The following C12orf42 variants were observed in gnomAD, a reference collection of about 807,000 sequenced individuals.
C12orf42 encodes the protein chromosome 12 open reading frame 42.
In C12orf42, 25 loss-of-function variants were observed where a neutral mutation model predicts 21.6. The ratio of observed to expected loss-of-function variants is 1.16; its 90% CI spans 0.84 to 1.62. The LOEUF (loss-of-function observed/expected upper bound fraction) is 1.62, where lower values mean the gene tolerates loss of function less well. Ranked by LOEUF, C12orf42 falls within the 40% of genes most tolerant of loss-of-function variation. C12orf42 has a pLI of 0.00. For synonymous variants in C12orf42, 174 were observed against 175.0 expected (o/e 0.99, Z 0.05); for missense variants, 483 against 459.3 (o/e 1.05, Z -0.47).
At chr12:103,484,906 G>C in intron 1 of C12orf42, among the ~76,000 whole-genome samples, 1 of 111,166 alleles carries the variant, frequency 9.0e-6, no homozygotes, top group Admixed American at 1.4e-4. Flanking sequence ...GTCTCTCTCT[G>C]TCGCCCAGGC....
intron 2 of C12orf42, among the ~76,000 whole-genome samples, chr12:103,419,630 T>G (rs892979867): frequency 2.6e-5 from 4 of 152,138 alleles, no homozygotes; most frequent in Admixed American, 6.5e-5. Flanking sequence ...TCTCAAATTC[T>G]CCAACTCTGC....
At chr12:103,374,391 G>A (rs1262678315) in intron 3 of C12orf42, among the ~76,000 whole-genome samples, 1 of 152,064 alleles carries the variant, frequency 6.6e-6, no homozygotes. Flanking sequence ...CAAGATTGAG[G>A]TTTGATTGTG....
intron 2 of C12orf42, chr12:103,456,091 T>C (rs1478509072): frequency 6.6e-6 from 1 of 152,098 alleles, no homozygotes; most frequent in Non-Finnish European, 1.5e-5. Context: ...GGATGGAGTC[T>C]TGTCTGCAAA....
intron 4 of C12orf42, among the ~76,000 whole-genome samples, chr12:103,333,267 AAGTT>A (rs2041402782): frequency 6.6e-6 from 1 of 152,222 alleles, no homozygotes; most frequent in Non-Finnish European, 1.5e-5. Context: ...GACTTTGAGC[AAGTT>A]AGTTACTCTC....
At chr12:103,351,549 T>C (rs1346382863) in intron 4 of C12orf42, among the ~76,000 whole-genome samples, 1 of 152,166 alleles carries the variant, frequency 6.6e-6, no homozygotes, top group Non-Finnish European at 1.5e-5. Context: ...ATTCAACGCA[T>C]ACTATTTTGA....
intron 10 of C12orf42, among the ~76,000 whole-genome samples, chr12:103,253,750 A>T (rs1306634305): frequency 2.6e-5 from 4 of 152,058 alleles, no homozygotes; most frequent in African/African-American, 9.7e-5. Flanking sequence ...TATGCCCCTC[A>T]GTCAAATTCT....
intron 4 of C12orf42, among the ~76,000 whole-genome samples, chr12:103,361,407 A>G (rs573586029): frequency 1.3e-5 from 2 of 152,162 alleles, no homozygotes; most frequent in African/African-American, 4.8e-5. Context: ...GCAATTTCTG[A>G]CTTGCCTCAC....
rs1361490145 is a variant in C12orf42, at chr12:103,495,507, G to T, written c.-22+395C>A. On this transcript the variant is annotated intron_variant, in intron 1 of 5. Transcript: ENST00000548883. ...TGGGGAGGGCGGCGGTGGCATCGCT[G>T]CGCGGGGCGCATTGTGGGCCGCGCT... 2.0e-5 allele frequency among the ~76,000 whole-genome samples: 3 copies of T among 152,054 alleles called. No individual in the cohort carries two copies. In the East Asian group the frequency reaches 5.8e-4, roughly 29 times the overall value.
At chr12:103,435,237 A>G (rs1236146186) in intron 2 of C12orf42, among the ~76,000 whole-genome samples, 1 of 152,160 alleles carries the variant, frequency 6.6e-6, no homozygotes, top group African/African-American at 2.4e-5. Context: ...CATCCACACC[A>G]AAAACCCATC....
At chr12:103,120,366 T>C in the C12orf42 span, among the ~76,000 whole-genome samples, 1 of 152,098 alleles carries the variant, frequency 6.6e-6, no homozygotes, top group African/African-American at 2.4e-5. Flanking sequence ...AAAGAGCAGA[T>C]TTGCAAAATG....
the C12orf42 span, among the ~76,000 whole-genome samples, chr12:103,096,397 C>A: frequency 1.3e-5 from 2 of 151,918 alleles, no homozygotes; most frequent in Middle Eastern, 3.4e-3. Context: ...TTGTTCGGAC[C>A]CAAGTACTTA....
intron 4 of C12orf42, among the ~76,000 whole-genome samples, chr12:103,283,563 C>T (rs545994340): frequency 8.1e-4 from 123 of 152,344 alleles, no homozygotes; most frequent in Middle Eastern, 6.8e-3. Flanking sequence ...GACACACTAG[C>T]CTCCAGCATG....
the C12orf42 span, among the ~76,000 whole-genome samples, chr12:103,551,659 A>C: frequency 6.6e-6 from 1 of 152,138 alleles, no homozygotes; most frequent in Non-Finnish European, 1.5e-5. Flanking sequence ...TCTACTAAAA[A>C]CACAAAAATT....
the C12orf42 span, among the ~76,000 whole-genome samples, chr12:103,210,229 T>C: frequency 6.6e-6 from 1 of 152,234 alleles, no homozygotes; most frequent in Non-Finnish European, 1.5e-5. Context: ...GATATTTACA[T>C]TGTTGTGTCT....
upstream of C12orf42, among the ~76,000 whole-genome samples, chr12:103,496,867 T>G (rs997078283): frequency 3.3e-5 from 5 of 149,498 alleles, no homozygotes; most frequent in Admixed American, 6.8e-5. Context: ...TTGTTAGATC[T>G]CATTCAAAGG....
the C12orf42 span, chr12:103,164,400 C>T: frequency 8.8e-6 from 4 of 455,862 alleles, no homozygotes; most frequent in African/African-American, 4.0e-5. Context: ...TTCTTGGCAG[C>T]AGCTCCTTGA....
chr12:103,128,277 G>A, the C12orf42 span, among the ~76,000 whole-genome samples: 1 of 152,088 alleles, frequency 6.6e-6, no homozygotes, highest in Non-Finnish European at 1.5e-5. Flanking sequence ...AGGGAAGGGG[G>A]AAGAAAGAAG....
intron 2 of C12orf42, among the ~76,000 whole-genome samples, chr12:103,448,062 C>T (rs1413399739): frequency 6.6e-6 from 1 of 151,900 alleles, no homozygotes; most frequent in African/African-American, 2.4e-5. Context: ...ATGCCACAGT[C>T]ACCAAAACAG....
the C12orf42 span, among the ~76,000 whole-genome samples, chr12:103,220,968 G>A: frequency 6.6e-6 from 1 of 152,170 alleles, no homozygotes; most frequent in African/African-American, 2.4e-5. Context: ...GAATCTCTCT[G>A]TTGCTCCAAA....
Sources: gnomAD v4.1 joint callset for allele counts (sites outside exome capture counted in the v4.1 genomes callset) on GRCh38, gnomAD v4.1.1 for gene constraint, MANE v1.5 for transcripts, NCBI Gene and HGNC (gene_info 2026-07-23, HGNC 2026-07-21) for gene names.